TBC1D5: variants seen among roughly 807,000 people sequenced by gnomAD.
The protein encoded by TBC1D5 is TBC1 domain family member 5.
TBC1D5 carries 75 observed loss-of-function variants against 100.3 expected under a neutral mutation model. The ratio of observed to expected loss-of-function variants is 0.75; its 90% CI spans 0.62 to 0.91. The LOEUF is 0.91. Ranked by LOEUF, TBC1D5 falls within the 40% of genes least tolerant of loss-of-function variation. TBC1D5 has a pLI of 0.00. For missense variants in TBC1D5, 910 were observed against 942.4 expected, an observed-to-expected ratio of 0.97 and a Z score of 0.45; for synonymous variants, 323 against 325.6, an observed-to-expected ratio of 0.99 and a Z score of 0.09.
rs971711051 is a variant in TBC1D5 at position 17,417,427 on chromosome 3, T to A, written c.168-10901A>T. 3.4e-5 allele frequency among the ~76,000 whole-genome samples: 5 copies of A among 148,108 alleles called. No homozygotes were observed. In the East Asian group the frequency reaches 1.0e-3, roughly 30 times the overall value. On this transcript the variant is annotated intron_variant, in intron 4 of 21. Transcript: ENST00000253692. ...TCATTGTTCAATTCCCACCCATGAG[T>A]GAGAATATGCGGTGTTTGGCTTTTT...
chr3:17,546,532 G>A (rs1231842811), intron 2 of TBC1D5, among the ~76,000 whole-genome samples: 1 of 152,054 alleles, frequency 6.6e-6, no homozygotes, highest in Non-Finnish European at 1.5e-5. Context: ...GGGAGGCTGA[G>A]GCGGGTGGAT....
intron 3 of TBC1D5, among the ~76,000 whole-genome samples, chr3:17,462,040 A>G (rs1442859061): frequency 6.6e-6 from 1 of 152,156 alleles, no homozygotes; most frequent in Non-Finnish European, 1.5e-5. Flanking sequence ...TTTCAAAAAA[A>G]ATATGTTTTC....
intron 16 of TBC1D5, among the ~76,000 whole-genome samples, chr3:17,251,058 C>T (rs2149291818): frequency 6.6e-6 from 1 of 152,298 alleles, no homozygotes; most frequent in South Asian, 2.1e-4. Flanking sequence ...GGTAAAAGTG[C>T]CTGTATTTCC....
chr3:17,345,544 A>G (rs2089735492), intron 13 of TBC1D5, among the ~76,000 whole-genome samples: 4 of 152,084 alleles, frequency 2.6e-5, no homozygotes, highest in Admixed American at 2.6e-4. Flanking sequence ...TAGAAATACT[A>G]TTTGACCCAG....
intron 3 of TBC1D5, chr3:17,465,614 C>T (rs1164884102): frequency 6.6e-6 from 1 of 152,248 alleles, no homozygotes; most frequent in Non-Finnish European, 1.5e-5. Flanking sequence ...CTGACTCCTT[C>T]AACTTCCACA....
exon 8 of TBC1D5, chr3:17,403,202 A>G: frequency 6.3e-7 from 1 of 1,591,426 alleles, no homozygotes; most frequent in East Asian, 2.3e-5. Context: ...ATCTTGTTCA[A>G]TCATTGATCG....
chr3:17,211,676 G>A (rs772563416), intron 18 of TBC1D5, among the ~76,000 whole-genome samples: 1 of 152,100 alleles, frequency 6.6e-6, no homozygotes, highest in Admixed American at 6.6e-5. Flanking sequence ...GCTTTCTTAG[G>A]CTGCTTAGTT....
intron 3 of TBC1D5, among the ~76,000 whole-genome samples, chr3:17,491,074 G>A (rs775282744): frequency 6.6e-6 from 1 of 152,046 alleles, no homozygotes; most frequent in Non-Finnish European, 1.5e-5. Flanking sequence ...GTTAGCAATT[G>A]TGAATGGGAG....
At chr3:17,443,813 A>C (rs2149582536) in intron 3 of TBC1D5, among the ~76,000 whole-genome samples, 1 of 152,322 alleles carries the variant, frequency 6.6e-6, no homozygotes, top group Admixed American at 6.5e-5. Flanking sequence ...TGGATAAGAC[A>C]GCGGAATGGG....
At position 17,214,209 on chromosome 3, in the gene TBC1D5, AT is replaced by A; in HGVS notation, c.1749del (p.Glu583AspfsTer6). ...GAAAACTGTCCTTAAATACTTACAG[AT>A]TCTTTTCTGCCCATAGTTTTGCTGT... On this transcript the variant is annotated frameshift_variant, in exon 18 of 22. Coordinates refer to ENST00000253692, the Ensembl canonical transcript of TBC1D5. LOFTEE classifies it high-confidence loss of function. The A allele has an allele frequency of 6.2e-7, 1 of 1,609,440 alleles. No homozygotes were observed. Among genetic ancestry groups the A allele is most frequent in the Non-Finnish European group, 8.5e-7 (1 of 1,178,328 alleles).
At chr3:17,535,670 A>G (rs923032786) in intron 2 of TBC1D5, among the ~76,000 whole-genome samples, 4 of 152,190 alleles carry the variant, frequency 2.6e-5, no homozygotes, top group African/African-American at 9.7e-5. Context: ...TCTGTTTAGT[A>G]GTTTTAAGTT....
At chr3:17,285,105 T>C (rs1397511289) in intron 15 of TBC1D5, among the ~76,000 whole-genome samples, 2 of 151,558 alleles carry the variant, frequency 1.3e-5, no homozygotes, top group African/African-American at 4.8e-5. Flanking sequence ...ACAATCTTGC[T>C]GTAACATAAC....
exon 3 of TBC1D5, chr3:17,508,605 C>T (rs772377150): frequency 4.1e-6 from 6 of 1,450,040 alleles, no homozygotes; most frequent in South Asian, 2.3e-5. Flanking sequence ...AAAGTAACTA[C>T]CTGGGAGGTG....
At chr3:17,649,230 G>A (rs1191051432) in intron 1 of TBC1D5, among the ~76,000 whole-genome samples, 1 of 152,126 alleles carries the variant, frequency 6.6e-6, no homozygotes, top group Admixed American at 6.6e-5. Context: ...ACGCACAACA[G>A]AAAACCAAAT....
intron 1 of TBC1D5, among the ~76,000 whole-genome samples, chr3:17,637,026 A>AT (rs200983087): frequency 9.6e-4 from 138 of 143,452 alleles, no homozygotes; most frequent in Admixed American, 1.3e-3. Flanking sequence ...ATCATTTATT[A>AT]TTTTTTTTTT....
At chr3:17,703,142 T>C (rs1284985275) in intron 1 of TBC1D5, among the ~76,000 whole-genome samples, 1 of 152,118 alleles carries the variant, frequency 6.6e-6, no homozygotes, top group African/African-American at 2.4e-5. Context: ...ATTTCAAACT[T>C]TGGTTGCCCA....
At chr3:17,450,951 A>G (rs372541316) in intron 3 of TBC1D5, among the ~76,000 whole-genome samples, 10 of 152,220 alleles carry the variant, frequency 6.6e-5, no homozygotes, top group African/African-American at 2.4e-4. Flanking sequence ...ACCAAGGTTG[A>G]AATGAAGGAA....
chr3:17,706,382 T>C (rs762180321), intron 1 of TBC1D5: 5 of 1,120,744 alleles, frequency 4.5e-6, no homozygotes, highest in East Asian at 2.6e-5. Flanking sequence ...AATAAATTCC[T>C]AGGTTTAATC....
At chr3:17,348,454 C>T (rs891577564) in intron 13 of TBC1D5, among the ~76,000 whole-genome samples, 1 of 151,986 alleles carries the variant, frequency 6.6e-6, no homozygotes, top group Non-Finnish European at 1.5e-5. Context: ...GCAGGTGACG[C>T]AGTGTTGCTG....
Sources: gnomAD v4.1 joint callset for allele counts (sites outside exome capture counted in the v4.1 genomes callset) on GRCh38, gnomAD v4.1.1 for gene constraint, MANE v1.5 for transcripts, NCBI Gene and HGNC (gene_info 2026-07-23, HGNC 2026-07-21) for gene names.